SERINC2: variants seen among roughly 807,000 people sequenced by gnomAD.
SERINC2 encodes tumor differentially expressed protein 2.
SERINC2 carries 56 observed loss-of-function variants against 54.2 expected under a neutral mutation model. That is an observed-to-expected ratio of 1.03 (90% CI 0.83 to 1.29). The LOEUF (loss-of-function observed/expected upper bound fraction) is 1.29. Among genes scored for constraint, SERINC2 ranks in the 50% most tolerant of loss-of-function variants. The pLI, the probability that SERINC2 is intolerant of heterozygous loss-of-function variation, is 0.00. For synonymous variants in SERINC2, 272 were observed against 253.1 expected (o/e 1.07, Z -0.71); for missense variants, 614 against 607.4 (o/e 1.01, Z -0.12).
intron 1 of SERINC2, chr1:31,414,600 C>CGTGTGT (rs373151799): frequency 3.1e-6 from 3 of 981,630 alleles, no homozygotes; most frequent in Non-Finnish European, 3.6e-6. Flanking sequence ...CTCCATTTTT[C>CGTGTGT]GTGTGTGTGT....
rs782085442 is a variant in SERINC2, at chr1:31,425,375, T to C, written c.438T>C (p.Gly146=). ...KFLILVGLTV[G]AFYIPDGSFT... is the part of the protein sequence containing the mutation. ...TGATCCTGGTGGGCCTCACCGTGGGTGCCTTCTACATTCCTGACGGCTCCT... is the reference window on the plus strand; with the variant it reads ...TGATCCTGGTGGGCCTCACCGTGGGCGCCTTCTACATTCCTGACGGCTCCT... Residue 146 remains glycine (G), a synonymous_variant, in exon 4 of 10, where the codon GGT becomes GGC. Coordinates refer to ENST00000373709, the MANE Select transcript of SERINC2 (RefSeq NM_178865.5). 1 of 1,613,450 alleles carries C rather than the reference T, an allele frequency of 6.2e-7. No homozygotes were observed. The highest frequency in any genetic ancestry group is 1.1e-5 in the South Asian group (1 of 91,068).
At chr1:31,420,471 C>A (rs1553132649) in intron 1 of SERINC2, among the ~76,000 whole-genome samples, 1 of 152,188 alleles carries the variant, frequency 6.6e-6, no homozygotes, top group Non-Finnish European at 1.5e-5. Context: ...GGCACCTGGG[C>A]ACCTGGCTCC....
At chr1:31,412,074 G>A (rs1198307020), upstream of SERINC2, among the ~76,000 whole-genome samples, 4 of 151,914 alleles carry the variant, frequency 2.6e-5, no homozygotes, top group Admixed American at 2.6e-4. Flanking sequence ...AAAAGTATAG[G>A]GTGTGTTTGT....
At chr1:31,431,833 AGGGT>A (rs2148528220) in intron 8 of SERINC2, among the ~76,000 whole-genome samples, 3 of 145,424 alleles carry the variant, frequency 2.1e-5, no homozygotes, top group East Asian at 4.1e-4. Context: ...TAGGGTGGAT[AGGGT>A]GGATAGGGTG....
chr1:31,423,140 C>T (rs1427635711), intron 1 of SERINC2, among the ~76,000 whole-genome samples: 3 of 152,186 alleles, frequency 2.0e-5, no homozygotes, highest in Non-Finnish European at 2.9e-5. Context: ...ATTCCTGCCC[C>T]GCTGGAAAGC....
chr1:31,432,147 C>CAGGGTGGTGAGGGTGGTG lies in SERINC2; in HGVS notation c.1014-813_1014-812insTGAGGGTGGTGAGGGTGG, dbSNP rs1641299610. On this transcript the variant is annotated intron_variant, in intron 8 of 9. Transcript: ENST00000373709. ...GGGTGGATAGGGTGGACAGGGTGGACAGGGTGGACAGGGTGGATAGGGTGG... is the reference window on the plus strand; with the variant it reads ...GGGTGGATAGGGTGGACAGGGTGGACAGGGTGGTGAGGGTGGTGAGGGTGGACAGGGTGGATAGGGTGG... 4.2e-4 allele frequency among the ~76,000 whole-genome samples: 2 copies of CAGGGTGGTGAGGGTGGTG among 4,770 alleles called. 1 individual carries two copies. The highest frequency in any genetic ancestry group is 2.0e-3 in the African/African-American group (2 of 1,008). 3.1% of individuals were successfully genotyped at this position (4,770 alleles called of 152,430 possible).
At chr1:31,425,183 G>A (rs1224173052) in intron 3 of SERINC2, 147 bp from the exon 4 acceptor site, 4 of 712,500 alleles carry the variant, frequency 5.6e-6, no homozygotes, top group East Asian at 2.5e-5. Context: ...GAGACTTTCT[G>A]TGCCTATCAG....
At chr1:31,427,251 A>C (rs1462011469) in intron 6 of SERINC2, among the ~76,000 whole-genome samples, 6 of 152,140 alleles carry the variant, frequency 3.9e-5, no homozygotes, top group African/African-American at 7.2e-5. Flanking sequence ...GTAGTGTAGG[A>C]AGGTGCAATT....
At chr1:31,416,019 T>C (rs1640772895) in intron 1 of SERINC2, 10 of 586,636 alleles carry the variant, frequency 1.7e-5, no homozygotes, top group Non-Finnish European at 2.1e-5. Context: ...AGGAGGGTCT[T>C]GCACATCCTA....
Position 31,434,052 on chromosome 1 carries a change from G to A in SERINC2, c.1233-12G>A, listed in dbSNP as rs781936368. ...TGGGCACCAGGCTCATGGGGAAGAT[G>A]GTGTGTTCCAGGCCCGGTGAGACCC... On this transcript the variant is annotated splice_polypyrimidine_tract_variant and intron_variant, in intron 9 of 9. Coordinates refer to ENST00000373709, the MANE Select transcript of SERINC2 (RefSeq NM_178865.5). The A allele has an allele frequency of 5.0e-6, 8 of 1,612,974 alleles. No homozygotes were observed. In the South Asian group the frequency reaches 8.8e-5, roughly 18 times the overall value.
rs547218006 is a variant in SERINC2 at position 31,424,883 on chromosome 1, G to A, written c.392+10G>A. On this transcript the variant is annotated intron_variant, in intron 3 of 9. Coordinates refer to ENST00000373709, the MANE Select transcript of SERINC2 (RefSeq NM_178865.5). ...CTGCCATCCAGAATGGGTGAGAGAG[G>A]GGTCCCTGCCTGCACCCTGGGACCT... is the stretch of plus-strand genomic sequence containing the variant. The A allele has an allele frequency of 1.6e-5, 26 of 1,606,264 alleles. No homozygotes were observed. The African/African-American group carries it at 2.1e-4, about 13-fold the overall frequency.
In SERINC2 at chr1:31,432,165, T is replaced by TGGACAGGGTGGAGAGGGTGGAC. The variant is rs1641304219; in HGVS notation, c.1014-802_1014-801insGGACAGGGTGGAGAGGGTGGAC. Reference sequence around the variant, plus strand: ...GGGTGGACAGGGTGGACAGGGTGGATAGGGTGGATAGGGTGGATAGGGTGG... The same window carrying TGGACAGGGTGGAGAGGGTGGAC: ...GGGTGGACAGGGTGGACAGGGTGGATGGACAGGGTGGAGAGGGTGGACAGGGTGGATAGGGTGGATAGGGTGG... On this transcript the variant is annotated intron_variant, in intron 8 of 9. Transcript: ENST00000373709. 1.0e-4 allele frequency among the ~76,000 whole-genome samples: 2 copies of TGGACAGGGTGGAGAGGGTGGAC among 19,686 alleles called. 1 individual carries two copies. 12.9% of individuals were successfully genotyped at this position (19,686 alleles called of 152,430 possible). A position where few individuals can be genotyped will look rare whatever the true frequency, so the allele number is the denominator to read the frequency against.
rs145142120 is a variant in SERINC2 at position 31,434,188 on chromosome 1, G to A, written c.1357G>A (p.Asp453Asn). 4 of 1,612,898 alleles carry A rather than the reference G, an allele frequency of 2.5e-6. No individual in the cohort carries two copies. Among genetic ancestry groups the A allele is most frequent in the South Asian group, 2.2e-5 (2 of 91,046 alleles). Residue 453 changes from aspartate (D) to asparagine (N), a missense_variant, in exon 10 of 10, where the codon GAC becomes AAC. Asp to Asn is a conservative substitution (Grantham distance 23, BLOSUM62 1). Transcript: ENST00000373709. ...LVAPLLLRNRDFS is the reference protein window; with the variant it reads ...LVAPLLLRNRNFS ...AGCCCCACTCCTCCTGCGCAACCGCGACTTCAGCTGAGGCAGCCTCACAGC... is the reference window on the plus strand; with the variant it reads ...AGCCCCACTCCTCCTGCGCAACCGCAACTTCAGCTGAGGCAGCCTCACAGC...
At chr1:31,422,959 C>G (rs116126047) in intron 1 of SERINC2, among the ~76,000 whole-genome samples, 2,507 of 152,306 alleles carry the variant, frequency 0.016, 32 homozygotes, top group Non-Finnish European at 0.025. Context: ...GAAAATCATT[C>G]CGTTTATCCA....
chr1:31,432,257 G>A (rs1377628206), intron 8 of SERINC2, among the ~76,000 whole-genome samples: 1 of 151,808 alleles, frequency 6.6e-6, no homozygotes, highest in Non-Finnish European at 1.5e-5. Context: ...AGCAAGGGGT[G>A]ATTTCTCAAT....
intron 8 of SERINC2, among the ~76,000 whole-genome samples, chr1:31,431,822 A>ATAGGATGGT (rs1641229049): frequency 8.9e-6 from 1 of 112,440 alleles, no homozygotes; most frequent in Non-Finnish European, 1.9e-5. Context: ...GACAGGGTGG[A>ATAGGATGGT]TAGGGTGGAT....
At chr1:31,410,032 C>T, upstream of SERINC2, 1 of 933,866 alleles carries the variant, frequency 1.1e-6, no homozygotes, top group Non-Finnish European at 1.6e-6. Flanking sequence ...TCTGTCTGGG[C>T]TGGGTGATGG....
intron 8 of SERINC2, among the ~76,000 whole-genome samples, chr1:31,431,263 T>C (rs1553134421): frequency 1.3e-5 from 2 of 151,700 alleles, no homozygotes; most frequent in African/African-American, 4.8e-5. Flanking sequence ...TCACTGAGAC[T>C]ACAGGTGCAT....
chr1:31,428,928 G>A (rs1177136556), intron 6 of SERINC2, 50 bp from the exon 7 acceptor site: 1 of 1,478,074 alleles, frequency 6.8e-7, no homozygotes, highest in African/African-American at 1.4e-5. Flanking sequence ...GCTGGGTGGG[G>A]TGGGGTGTCT....
Sources: allele counts gnomAD v4.1 joint callset (sites outside exome capture counted in the v4.1 genomes callset), GRCh38; gene constraint gnomAD v4.1.1; transcripts MANE v1.5; gene names NCBI Gene and HGNC (gene_info 2026-07-23, HGNC 2026-07-21).